SEPTIN9: variants seen among roughly 807,000 people sequenced by gnomAD.
SEPTIN9 encodes the protein septin-9.
In SEPTIN9, 13 loss-of-function variants were observed where a neutral mutation model predicts 56.6. The ratio of observed to expected loss-of-function variants is 0.23; its 90% confidence interval spans 0.15 to 0.37. The LOEUF is 0.37. Among genes scored for constraint, SEPTIN9 ranks in the 10% least tolerant of loss-of-function variants. The probability of loss-of-function intolerance (pLI) is 1.00; values close to 1 mark genes in which losing one functional copy is unlikely to be tolerated. For missense variants in SEPTIN9, 650 were observed against 823.1 expected (o/e 0.79, Z 2.57); for synonymous variants, 332 against 334.1 (o/e 0.99, Z 0.07).
At chr17:77,465,415 G>T (rs974073162) in intron 3 of SEPTIN9, among the ~76,000 whole-genome samples, 1 of 152,220 alleles carries the variant, frequency 6.6e-6, no homozygotes, top group Non-Finnish European at 1.5e-5. Context: ...AGGGACCCAG[G>T]CCTGGTGGGG....
In SEPTIN9 at chr17:77,360,634, C is replaced by T. The variant is rs140619547; in HGVS notation, c.77-41425C>T. Among the ~76,000 whole-genome samples, 159 of 151,920 alleles carry T rather than the reference C, an allele frequency of 1.0e-3. 3 individuals are homozygous for T. In the East Asian group the frequency reaches 0.021, roughly 20 times the overall value. ...GGCTGGCGTGGAGTGATGCGATCTC[C>T]GCTCACTGCAAGCTCCGCCTCCCTG... On this transcript the variant is annotated intron_variant, in intron 2 of 11. Coordinates refer to ENST00000427177, the MANE Select transcript of SEPTIN9 (RefSeq NM_001113491.2).
chr17:77,477,178 T>C (rs1407353126), intron 3 of SEPTIN9, among the ~76,000 whole-genome samples: 2 of 148,668 alleles, frequency 1.3e-5, no homozygotes, highest in Non-Finnish European at 3.0e-5. Context: ...ATAATTTCCA[T>C]ATTACACCAT....
At chr17:77,311,815 G>A (rs2032504790) in intron 2 of SEPTIN9, among the ~76,000 whole-genome samples, 1 of 152,164 alleles carries the variant, frequency 6.6e-6, no homozygotes, top group African/African-American at 2.4e-5. Context: ...CCACGTGGAG[G>A]GAGCTGGTCG....
intron 3 of SEPTIN9, among the ~76,000 whole-genome samples, chr17:77,447,495 T>G (rs1313331513): frequency 6.6e-6 from 1 of 152,248 alleles, no homozygotes; most frequent in Non-Finnish European, 1.5e-5. Context: ...CTTTGAGTCC[T>G]GAGCACCTGT....
chr17:77,296,089 C>T lies in SEPTIN9; in HGVS notation c.20-11052C>T, dbSNP rs187765520. On this transcript the variant is annotated intron_variant, in intron 1 of 11. Transcript: ENST00000427177. ...GAGAGACACCAGAGATCTCTCCTCC[C>T]CCCTCACTTGTAAACAGAGGAAAAA... Among the ~76,000 whole-genome samples the T allele has an allele frequency of 2.1e-4, 26 of 126,330 alleles. No individual in the cohort carries two copies. In the Admixed American group the frequency reaches 2.3e-3, roughly 11 times the overall value. The allele number at this position is 126,330 out of a possible 152,430, so 82.9% of individuals were successfully genotyped here.
chr17:77,436,699 C>CA lies in SEPTIN9; in HGVS notation c.721+33996_721+33997insA, dbSNP rs2037351589. ...TGCACTAGCCTCGTGGTAGGGGCTG[C>CA]GGCGGAGGTGGGCAAAAGCCGCTTC... On this transcript the variant is annotated intron_variant, in intron 3 of 11. Transcript: ENST00000427177. The surrounding 1 kb of genome is among the most constrained non-coding windows in gnomAD (Gnocchi z 4.4). 6.6e-6 allele frequency among the ~76,000 whole-genome samples: 1 copy of CA among 152,226 alleles called. No homozygotes were observed. Among genetic ancestry groups the CA allele is most frequent in the African/African-American group, 2.4e-5 (1 of 41,460 alleles).
chr17:77,405,283 G>A lies in SEPTIN9; in HGVS notation c.721+2580G>A. On this transcript the variant is annotated intron_variant, in intron 3 of 11. Coordinates refer to ENST00000427177, the MANE Select transcript of SEPTIN9 (RefSeq NM_001113491.2). This position sits in a 1 kb window ranked among gnomAD's most constrained non-coding sequence, Gnocchi z 5.8. ...GGCTCTGCTTTCTGGAGCTCACCGA[G>A]CCGTGAGCAGGATGGCTGGGACACA... 1.5e-6 allele frequency: 1 copy of A among 677,142 alleles called. No homozygotes were observed. Among genetic ancestry groups the A allele is most frequent in the East Asian group, 2.8e-5 (1 of 35,868 alleles). 41.9% of individuals were successfully genotyped at this position (677,142 alleles called of 1,614,324 possible).
Position 77,407,768 on chromosome 17 carries a change from T to G in SEPTIN9, c.721+5065T>G, listed in dbSNP as rs181068879. Among the ~76,000 whole-genome samples, 259 of 152,342 alleles carry G rather than the reference T, an allele frequency of 1.7e-3. 1 individual carries two copies. The highest frequency in any genetic ancestry group is 5.7e-3 in the African/African-American group (238 of 41,574). ...CTGCCCCTGGACTTGGCACCCTCCT[T>G]GCTGTCCTCCCACAGAAGGGCGCTC... is the stretch of plus-strand genomic sequence containing the variant. On this transcript the variant is annotated intron_variant, in intron 3 of 11. Transcript: ENST00000427177.
chr17:77,466,796 A>G (rs1337966337), intron 3 of SEPTIN9, among the ~76,000 whole-genome samples: 1 of 152,204 alleles, frequency 6.6e-6, no homozygotes, highest in Admixed American at 6.5e-5. Flanking sequence ...GGAACGGAGA[A>G]TCTGAGGAAG....
At chr17:77,407,838 C>T (rs1008439594) in intron 3 of SEPTIN9, among the ~76,000 whole-genome samples, 4 of 152,204 alleles carry the variant, frequency 2.6e-5, no homozygotes, top group Non-Finnish European at 4.4e-5. Flanking sequence ...TGGGTGGGGA[C>T]GGCCTTGCCT....
intron 2 of SEPTIN9, among the ~76,000 whole-genome samples, chr17:77,396,566 T>C (rs1033395595): frequency 6.7e-6 from 1 of 148,648 alleles, no homozygotes; most frequent in Non-Finnish European, 1.5e-5. Context: ...GGCAGGGGGC[T>C]TCCCAGGAGG....
intron 3 of SEPTIN9, among the ~76,000 whole-genome samples, chr17:77,461,852 A>C (rs312851): frequency 0.091 from 13,867 of 152,216 alleles, 1,675 homozygotes; most frequent in African/African-American, 0.28. Context: ...TCTGGTGTCC[A>C]CCTGAAGGCC....
At chr17:77,285,643 C>A (rs1035909980) in intron 1 of SEPTIN9, among the ~76,000 whole-genome samples, 1 of 152,212 alleles carries the variant, frequency 6.6e-6, no homozygotes, top group Non-Finnish European at 1.5e-5. Context: ...AGGTGATCCA[C>A]CCGCCTCAGC....
chr17:77,466,056 A>T (rs1171100190), intron 3 of SEPTIN9, among the ~76,000 whole-genome samples: 175 of 4,112 alleles, frequency 0.043, 1 homozygote, highest in African/African-American at 0.11. Flanking sequence ...CTGGACTGTC[A>T]CACACACACA....
chr17:77,488,165 G>A (rs1181358645), intron 5 of SEPTIN9, 75 bp from the exon 6 acceptor site: 8 of 1,414,650 alleles, frequency 5.7e-6, no homozygotes, highest in Middle Eastern at 3.5e-4. Context: ...GGGTTGCCCC[G>A]GGGTCAGTCA....
intron 2 of SEPTIN9, chr17:77,377,217 A>C (rs1210540502): frequency 6.6e-6 from 1 of 152,130 alleles, no homozygotes; most frequent in Non-Finnish European, 1.5e-5. Context: ...TCCACTGTAC[A>C]AACGGGCCTC....
chr17:77,343,481 T>C (rs1043495796), intron 2 of SEPTIN9, among the ~76,000 whole-genome samples: 2 of 152,206 alleles, frequency 1.3e-5, no homozygotes, highest in Non-Finnish European at 2.9e-5. Flanking sequence ...TCCTTTGAAA[T>C]ATCATTTGTA....
chr17:77,348,811 C>G (rs529647948), intron 2 of SEPTIN9, among the ~76,000 whole-genome samples: 1 of 152,222 alleles, frequency 6.6e-6, no homozygotes, highest in Non-Finnish European at 1.5e-5. Context: ...TACATCCATA[C>G]ACATTGTAAA....
Position 77,475,424 on chromosome 17 carries a change from TA to T in SEPTIN9, c.722-6719del. ...CAGCCCTGGCCGGACACTGTCCTCC[TA>T]GCATTGCCTGCATCAGGGACTCACT... is the stretch of plus-strand genomic sequence containing the variant. On this transcript the variant is annotated intron_variant, in intron 3 of 11. Transcript: ENST00000427177. The surrounding 1 kb of genome is among the most constrained non-coding windows in gnomAD (Gnocchi z 4.6). 6.7e-7 allele frequency: 1 copy of T among 1,493,756 alleles called. No homozygotes were observed. Among genetic ancestry groups the T allele is most frequent in the Non-Finnish European group, 8.9e-7 (1 of 1,125,734 alleles). 92.5% of individuals were successfully genotyped at this position (1,493,756 alleles called of 1,614,324 possible).
Sources: gnomAD v4.1 joint callset for allele counts (sites outside exome capture counted in the v4.1 genomes callset) on GRCh38, gnomAD v4.1.1 for gene constraint, Gnocchi (gnomAD v3.1) non-coding constraint, MANE v1.5 for transcripts, NCBI Gene and HGNC (gene_info 2026-07-23, HGNC 2026-07-21) for gene names.